Variants in MGST1 observed in about 807,000 individuals in gnomAD.
MGST1 encodes glutathione S-transferase 12.
A neutral mutation model predicts 8.9 loss-of-function variants in MGST1; 5 were observed. The ratio of observed to expected loss-of-function variants is 0.56; its 90% confidence interval spans 0.29 to 1.19. The LOEUF (loss-of-function observed/expected upper bound fraction) is 1.19. Ranked by LOEUF, MGST1 falls within the 50% of genes most tolerant of loss-of-function variation. MGST1 has a pLI of 0.08. For synonymous variants in MGST1, 54 were observed against 67.8 expected (o/e 0.80, Z 1.00); for missense variants, 182 against 187.4 (o/e 0.97, Z 0.17).
intron 1 of MGST1, among the ~76,000 whole-genome samples, chr12:16,403,299 CT>C (rs1940675064): frequency 6.6e-6 from 1 of 151,882 alleles, no homozygotes; most frequent in Admixed American, 6.6e-5. Context: ...AGTTATTCCC[CT>C]TTTTAGCCTG....
chr12:16,356,757 G>C (rs4149192), intron 2 of MGST1, among the ~76,000 whole-genome samples: 10,983 of 152,170 alleles, frequency 0.072, 511 homozygotes, highest in East Asian at 0.22. Context: ...TCATTATACA[G>C]TATTCTTCAA....
chr12:16,360,261 AAGTT>A (rs1273025151), intron 3 of MGST1: 36 of 771,828 alleles, frequency 4.7e-5, no homozygotes, highest in African/African-American at 1.3e-4. Flanking sequence ...TTCCATTTTT[AAGTT>A]AGACTTTTTT....
intron 4 of MGST1, among the ~76,000 whole-genome samples, chr12:16,572,113 A>C (rs992208107): frequency 5.3e-5 from 8 of 151,962 alleles, no homozygotes; most frequent in Non-Finnish European, 1.2e-4. Context: ...CTGCAAGAAA[A>C]AGGTACATTT....
rs113681236 is a variant in MGST1, at chr12:16,500,744, A to T, written n.483-88784A>T. ...TCATCATTATCTATTAAATATTACT[A>T]TCATAAGGGCAAAATCTATAGGGAG... On this transcript the variant is annotated intron_variant and non_coding_transcript_variant, in intron 4 of 4. Coordinates refer to the MGST1 transcript ENST00000538857. This position sits in a 1 kb window ranked among gnomAD's most constrained non-coding sequence, Gnocchi z 4.3. 6.4e-3 allele frequency among the ~76,000 whole-genome samples: 970 copies of T among 152,330 alleles called. 12 individuals carry two copies. The highest frequency in any genetic ancestry group is 0.022 in the African/African-American group (909 of 41,568).
intron 4 of MGST1, among the ~76,000 whole-genome samples, chr12:16,475,104 G>A (rs909531523): frequency 6.6e-6 from 1 of 152,038 alleles, no homozygotes; most frequent in Non-Finnish European, 1.5e-5. Flanking sequence ...AATCATGTGT[G>A]GATTACAGCA....
intron 4 of MGST1, among the ~76,000 whole-genome samples, chr12:16,568,292 A>C (rs552659759): frequency 1.7e-3 from 252 of 152,340 alleles, no homozygotes; most frequent in African/African-American, 5.8e-3. Context: ...TCCAGTTTGA[A>C]GGTTGTGATT....
chr12:16,355,318 C>T (rs949257443), intron 2 of MGST1, among the ~76,000 whole-genome samples: 1 of 151,142 alleles, frequency 6.6e-6, no homozygotes, highest in Admixed American at 6.6e-5. Flanking sequence ...AAGTGCTTCT[C>T]ATGCCTCAGC....
chr12:16,472,333 G>A (rs1372645008), intron 4 of MGST1, among the ~76,000 whole-genome samples: 1 of 151,796 alleles, frequency 6.6e-6, no homozygotes, highest in South Asian at 2.1e-4. Flanking sequence ...CATTTTTTGG[G>A]ATAATATGTT....
chr12:16,545,399 G>C (rs1379486460), intron 4 of MGST1, among the ~76,000 whole-genome samples: 1 of 152,022 alleles, frequency 6.6e-6, no homozygotes, highest in African/African-American at 2.4e-5. Context: ...GCTACACACA[G>C]GGTGGGTGCC....
In MGST1 at chr12:16,566,602, G is replaced by T. The variant is rs2417593; in HGVS notation, n.483-22926G>T. On this transcript the variant is annotated intron_variant and non_coding_transcript_variant, in intron 4 of 4. Coordinates refer to the MGST1 transcript ENST00000538857. ...AAAGTTGACCATATATTAAAGAAAAGACATTTTCTATTTTAAAACCTTAGA... is the reference window on the plus strand; with the variant it reads ...AAAGTTGACCATATATTAAAGAAAATACATTTTCTATTTTAAAACCTTAGA... 5.0e-3 allele frequency among the ~76,000 whole-genome samples: 765 copies of T among 151,952 alleles called. 7 individuals carry two copies. Among genetic ancestry groups the T allele is most frequent in the African/African-American group, 0.018 (744 of 41,468 alleles).
chr12:16,445,760 T>G (rs1225537672), intron 4 of MGST1, among the ~76,000 whole-genome samples: 1 of 151,962 alleles, frequency 6.6e-6, no homozygotes, highest in African/African-American at 2.4e-5. Context: ...TGTGGTAACC[T>G]GAAGTTATTC....
At chr12:16,357,130 C>A (rs1008731491) in intron 2 of MGST1, among the ~76,000 whole-genome samples, 10 of 152,176 alleles carry the variant, frequency 6.6e-5, no homozygotes, top group Non-Finnish European at 8.8e-5. Context: ...TCAGTTTTAA[C>A]TATAGATGCC....
At chr12:16,372,393 A>T (rs895516115) in intron 3 of MGST1, among the ~76,000 whole-genome samples, 1 of 152,128 alleles carries the variant, frequency 6.6e-6, no homozygotes, top group Non-Finnish European at 1.5e-5. Flanking sequence ...TTCTCAAAAG[A>T]ATACATACAA....
chr12:16,512,588 C>A (rs1292711152), intron 4 of MGST1, among the ~76,000 whole-genome samples: 1 of 152,096 alleles, frequency 6.6e-6, no homozygotes, highest in African/African-American at 2.4e-5. Context: ...ACAATTATTT[C>A]TTTTCATCCC....
rs11056977 is a variant in MGST1, at chr12:16,520,128, C to T, written n.483-69400C>T. Among the ~76,000 whole-genome samples, 1,470 of 152,146 alleles carry T rather than the reference C, an allele frequency of 9.7e-3. 50 individuals are homozygous for T. The East Asian group carries it at 0.14, about 14-fold the overall frequency. ...AATCATTTTTATTGCCTGAAATTTT[C>T]GACCCAGAAATTTTAGACCTAAAAT... On this transcript the variant is annotated intron_variant and non_coding_transcript_variant, in intron 4 of 4. Transcript: ENST00000538857.
chr12:16,411,666 T>C (rs1257033973), intron 1 of MGST1, among the ~76,000 whole-genome samples: 1 of 152,188 alleles, frequency 6.6e-6, no homozygotes, highest in South Asian at 2.1e-4. Flanking sequence ...CATAATGAAG[T>C]TGTTTTCTAA....
intron 1 of MGST1, among the ~76,000 whole-genome samples, chr12:16,427,784 T>C (rs1357017939): frequency 2.0e-5 from 3 of 152,234 alleles, no homozygotes; most frequent in Non-Finnish European, 2.9e-5. Flanking sequence ...GCTTTTTCCT[T>C]TTAATTTTAC....
intron 4 of MGST1, among the ~76,000 whole-genome samples, chr12:16,583,842 G>A (rs1428306438): frequency 2.0e-5 from 3 of 152,244 alleles, no homozygotes; most frequent in Non-Finnish European, 4.4e-5. Flanking sequence ...TGACAGTTGG[G>A]TTCATAGTGG....
intron 1 of MGST1, among the ~76,000 whole-genome samples, chr12:16,419,896 C>A (rs1441507531): frequency 2.0e-5 from 3 of 152,156 alleles, no homozygotes; most frequent in Non-Finnish European, 4.4e-5. Context: ...TTAGCTCCAA[C>A]AGTCTAATCA....
Sources: allele counts gnomAD v4.1 joint callset (sites outside exome capture counted in the v4.1 genomes callset), GRCh38; gene constraint gnomAD v4.1.1; non-coding constraint Gnocchi (gnomAD v3.1); transcripts MANE v1.5; gene names NCBI Gene and HGNC (gene_info 2026-07-23, HGNC 2026-07-21).